Variants in UNC13C observed in about 807,000 individuals in gnomAD.
UNC13C encodes the protein protein unc-13 homolog C.
A neutral mutation model predicts 245.4 loss-of-function variants in UNC13C; 174 were observed. The ratio of observed to expected loss-of-function variants is 0.71; its 90% CI spans 0.63 to 0.80. UNC13C has a LOEUF of 0.80. UNC13C is among the 30% of genes least tolerant of loss of function. The pLI is 0.00. For synonymous variants in UNC13C, 992 were observed against 895.1 expected (o/e 1.11, Z -1.93); for missense variants, 2,829 against 2,602.9 (o/e 1.09, Z -1.89).
At chr15:54,342,001 C>T (rs879263620) in intron 17 of UNC13C, among the ~76,000 whole-genome samples, 13 of 150,928 alleles carry the variant, frequency 8.6e-5, no homozygotes, top group Admixed American at 2.6e-4. Flanking sequence ...AGTAGTATTT[C>T]GCTTTGTATT....
At chr15:54,059,547 A>G (rs1897706720) in intron 2 of UNC13C, among the ~76,000 whole-genome samples, 1 of 152,198 alleles carries the variant, frequency 6.6e-6, no homozygotes, top group African/African-American at 2.4e-5. Context: ...GTCCAAGGTA[A>G]TTTACAGATT....
chr15:53,847,938 C>G, the UNC13C span, among the ~76,000 whole-genome samples: 2 of 152,114 alleles, frequency 1.3e-5, no homozygotes, highest in Non-Finnish European at 2.9e-5. Context: ...TACTTCATGA[C>G]CTTGACATAA....
At chr15:54,328,966 G>A (rs2038368113) in intron 14 of UNC13C, among the ~76,000 whole-genome samples, 1 of 151,878 alleles carries the variant, frequency 6.6e-6, no homozygotes, top group Admixed American at 6.6e-5. Context: ...GTGCTATAGT[G>A]TCAGACTGAA....
chr15:53,926,636 G>C, the UNC13C span, among the ~76,000 whole-genome samples: 3 of 152,348 alleles, frequency 2.0e-5, no homozygotes, highest in Admixed American at 6.5e-5. Flanking sequence ...AGGCTTGTCA[G>C]AAATATTGCA....
At chr15:53,935,352 G>A in the UNC13C span, among the ~76,000 whole-genome samples, 1 of 151,914 alleles carries the variant, frequency 6.6e-6, no homozygotes, top group Non-Finnish European at 1.5e-5. Context: ...ACTTTTCTTT[G>A]GTTTCAGAGA....
intron 2 of UNC13C, among the ~76,000 whole-genome samples, chr15:54,058,870 A>T (rs1189518823): frequency 6.6e-6 from 1 of 152,250 alleles, no homozygotes; most frequent in Non-Finnish European, 1.5e-5. Context: ...CCACATGATT[A>T]TCTCGATAGA....
chr15:54,161,841 G>A (rs892972405), intron 4 of UNC13C, among the ~76,000 whole-genome samples: 1 of 152,014 alleles, frequency 6.6e-6, no homozygotes, highest in African/African-American at 2.4e-5. Context: ...CCAGCTACTC[G>A]GGAGGCTGAG....
chr15:54,186,856 T>TATATATATATATATATATA (rs1567079918), intron 4 of UNC13C, among the ~76,000 whole-genome samples: 31 of 120,192 alleles, frequency 2.6e-4, no homozygotes, highest in Non-Finnish European at 4.2e-4. Flanking sequence ...TATATATATA[T>TATATATATATATATATATA]TTTGTTTTTT....
At chr15:53,837,674 CTT>C in the UNC13C span, 9 of 152,260 alleles carry the variant, frequency 5.9e-5, no homozygotes, top group East Asian at 1.7e-3. Context: ...ATGACAGTCT[CTT>C]CTGAAAATTT....
At position 54,549,722 on chromosome 15, in the gene UNC13C, G is replaced by A. The variant is rs1286008889; in HGVS notation, c.5877+31G>A. 2 of 1,449,906 alleles carry A rather than the reference G, an allele frequency of 1.4e-6. 1 individual carries two copies. Among genetic ancestry groups the A allele is most frequent in the Admixed American group, 3.7e-5 (2 of 54,598 alleles). The allele number at this position is 1,449,906 out of a possible 1,614,324, so 89.8% of individuals were successfully genotyped here. A position where few individuals can be genotyped will look rare whatever the true frequency, so the allele number is the denominator to read the frequency against. ...AAAAATAAGGAAATTACTTATTCAT[G>A]GAAAGTAGTGAGTTAACTACAGTTC... On this transcript the variant is annotated intron_variant, in intron 28 of 32. Transcript: ENST00000260323.
At chr15:54,239,541 T>G (rs1434103588) in intron 7 of UNC13C, among the ~76,000 whole-genome samples, 1 of 152,180 alleles carries the variant, frequency 6.6e-6, no homozygotes, top group Non-Finnish European at 1.5e-5. Flanking sequence ...GCCTCAACCT[T>G]CAGAGCTCAC....
intron 17 of UNC13C, among the ~76,000 whole-genome samples, chr15:54,368,891 A>G (rs2140878930): frequency 6.6e-6 from 1 of 152,264 alleles, no homozygotes; most frequent in South Asian, 2.1e-4. Flanking sequence ...TTCAAATATT[A>G]AAGCTGAGGA....
rs895143438 is a variant in UNC13C, at chr15:54,274,758, G to A, written c.3818+9262G>A. 1.2e-4 allele frequency among the ~76,000 whole-genome samples: 16 copies of A among 132,998 alleles called. 1 individual carries two copies. The highest frequency in any genetic ancestry group is 7.4e-4 in the South Asian group (3 of 4,064). The allele number at this position is 132,998 out of a possible 152,430, so 87.3% of individuals were successfully genotyped here. ...GCGATCTCGGCTCAATGCAAGCTCC[G>A]CCTCCTGGGTTCACCCCATTCTCCT... On this transcript the variant is annotated intron_variant, in intron 10 of 32. Coordinates refer to ENST00000260323, the MANE Select transcript of UNC13C (RefSeq NM_001080534.3).
chr15:54,568,707 T>A (rs1287489957), intron 30 of UNC13C, among the ~76,000 whole-genome samples: 1 of 152,102 alleles, frequency 6.6e-6, no homozygotes, highest in Non-Finnish European at 1.5e-5. Context: ...ACTACAGAAA[T>A]AATAAAAGTA....
intron 17 of UNC13C, among the ~76,000 whole-genome samples, chr15:54,340,097 A>G (rs766235960): frequency 2.6e-5 from 4 of 152,076 alleles, no homozygotes; most frequent in Non-Finnish European, 5.9e-5. Flanking sequence ...TCTTTTGAGA[A>G]CTGTCTATTC....
At chr15:54,168,649 G>T (rs1262162221) in intron 4 of UNC13C, among the ~76,000 whole-genome samples, 1 of 152,056 alleles carries the variant, frequency 6.6e-6, no homozygotes, top group Non-Finnish European at 1.5e-5. Flanking sequence ...GATTATTTTT[G>T]AGGTAGTTTA....
intron 2 of UNC13C, among the ~76,000 whole-genome samples, chr15:54,109,277 TC>T (rs1900631032): frequency 2.5e-4 from 11 of 43,300 alleles, no homozygotes; most frequent in Non-Finnish European, 4.7e-4. Flanking sequence ...TCTCCTCCCC[TC>T]CCCTCCCCTC....
chr15:54,412,044 G>A (rs1226335072), intron 18 of UNC13C, among the ~76,000 whole-genome samples: 2 of 151,822 alleles, frequency 1.3e-5, no homozygotes, highest in East Asian at 1.9e-4. Flanking sequence ...TTTTGATGCT[G>A]CATTAGTCCA....
chr15:54,425,206 T>C (rs556835738), intron 19 of UNC13C, among the ~76,000 whole-genome samples: 3 of 151,940 alleles, frequency 2.0e-5, no homozygotes, highest in African/African-American at 7.2e-5. Context: ...TTACAGTGAG[T>C]AAAAACTCAC....
Sources: gnomAD v4.1 joint callset for allele counts (sites outside exome capture counted in the v4.1 genomes callset) on GRCh38, gnomAD v4.1.1 for gene constraint, MANE v1.5 for transcripts, NCBI Gene and HGNC (gene_info 2026-07-23, HGNC 2026-07-21) for gene names.